The following PTBP3 variants were observed in gnomAD, a reference collection of about 807,000 sequenced individuals.
PTBP3 encodes the protein polypyrimidine tract binding protein 3.
Under a neutral mutation model 58.7 loss-of-function variants are expected in PTBP3, and 20 were observed. That is an observed-to-expected ratio of 0.34 (90% confidence interval 0.24 to 0.50). The LOEUF is 0.50. Ranked by LOEUF, PTBP3 falls within the 20% of genes least tolerant of loss-of-function variation. The pLI, the probability that PTBP3 is intolerant of heterozygous loss-of-function variation, is 0.98. For synonymous variants in PTBP3, 185 were observed against 219.8 expected (o/e 0.84, Z 1.40); for missense variants, 509 against 637.2 (o/e 0.80, Z 2.17).
intron 5 of PTBP3, among the ~76,000 whole-genome samples, chr9:112,259,679 C>T (rs1836511436): frequency 6.6e-6 from 1 of 152,180 alleles, no homozygotes; most frequent in Non-Finnish European, 1.5e-5. Flanking sequence ...GCTAAAGGAA[C>T]ATTAGTTTCT....
At chr9:112,286,653 TCTTA>T (rs1828132492) in intron 2 of PTBP3, among the ~76,000 whole-genome samples, 1 of 152,234 alleles carries the variant, frequency 6.6e-6, no homozygotes, top group South Asian at 2.1e-4. Flanking sequence ...AAATGTATTA[TCTTA>T]CTTTAAGCAG....
intron 7 of PTBP3, among the ~76,000 whole-genome samples, chr9:112,244,288 T>TAAAAAAAAAAAAAA (rs1439248076): frequency 5.1e-4 from 3 of 5,848 alleles, no homozygotes; most frequent in Non-Finnish European, 5.7e-4. Context: ...AGACTCTGTC[T>TAAAAAAAAAAAAAA]CAAAAAAAAA....
chr9:112,225,297 A>C (rs535606182), intron 12 of PTBP3, among the ~76,000 whole-genome samples: 2 of 149,290 alleles, frequency 1.3e-5, no homozygotes, highest in South Asian at 4.3e-4. Context: ...TAAATTTTTT[A>C]ACCTAAGTCT....
chr9:112,228,359 A>G (rs1304857536), intron 11 of PTBP3, 21 bp downstream of exon 11: 5 of 1,532,154 alleles, frequency 3.3e-6, no homozygotes, highest in Non-Finnish European at 4.4e-6. Flanking sequence ...ATTATTATTA[A>G]TAATTATTAA....
intron 12 of PTBP3, among the ~76,000 whole-genome samples, chr9:112,224,852 T>C (rs914871523): frequency 2.0e-5 from 3 of 152,340 alleles, no homozygotes; most frequent in South Asian, 2.1e-4. Flanking sequence ...GAAGACACTA[T>C]GGAGAAGTCC....
intron 7 of PTBP3, among the ~76,000 whole-genome samples, chr9:112,241,972 C>T (rs1835678237): frequency 6.6e-6 from 1 of 152,084 alleles, no homozygotes; most frequent in Non-Finnish European, 1.5e-5. Context: ...TACTTTATTC[C>T]TTTTTATTGC....
At chr9:112,361,920 T>TA in the PTBP3 span, among the ~76,000 whole-genome samples, 2 of 152,218 alleles carry the variant, frequency 1.3e-5, no homozygotes, top group African/African-American at 2.4e-5. Context: ...TCCTTTTTTT[T>TA]ATTATAGTCA....
chr9:112,305,027 A>T (rs1829115659), intron 1 of PTBP3, among the ~76,000 whole-genome samples: 1 of 152,214 alleles, frequency 6.6e-6, no homozygotes, highest in Non-Finnish European at 1.5e-5. Flanking sequence ...TTCCTATAGC[A>T]AAATGTAGGG....
chr9:112,220,946 T>C lies in PTBP3; in HGVS notation c.*2905A>G, dbSNP rs922200138. The stretch of plus-strand genomic sequence containing the variant: ...CCATTGCTAGAAGATACTGAATAAA[T>C]GCATGCCAAAACAGAGATACACAGA... On this transcript the variant is annotated 3_prime_UTR_variant, in exon 14 of 14. Transcript: ENST00000374257. 5.2e-6 allele frequency: 5 copies of C among 964,094 alleles called. No homozygotes were observed. In the African/African-American group the frequency reaches 8.8e-5, roughly 17 times the overall value. 59.7% of individuals were successfully genotyped at this position (964,094 alleles called of 1,614,324 possible).
At chr9:112,333,772 C>A, upstream of PTBP3, 1 of 283,568 alleles carries the variant, frequency 3.5e-6, no homozygotes, top group Admixed American at 5.3e-5. Context: ...CACCCTCGCC[C>A]CGCTGGCAGC....
At chr9:112,308,274 G>GT (rs1311378551) in intron 1 of PTBP3, among the ~76,000 whole-genome samples, 2 of 150,384 alleles carry the variant, frequency 1.3e-5, no homozygotes, top group African/African-American at 4.9e-5. Context: ...TGATCCTCTG[G>GT]CCTAGGATTC....
intron 1 of PTBP3, among the ~76,000 whole-genome samples, chr9:112,320,223 A>G (rs1829860856): frequency 6.8e-6 from 1 of 147,812 alleles, no homozygotes; most frequent in African/African-American, 2.5e-5. Flanking sequence ...GGCTGCAGTG[A>G]GCTATGATTG....
upstream of PTBP3, among the ~76,000 whole-genome samples, chr9:112,335,144 GAAAATTCAAGCACTAT>G (rs1161844016): frequency 6.6e-6 from 1 of 151,954 alleles, no homozygotes; most frequent in Non-Finnish European, 1.5e-5. Flanking sequence ...GCTCATTTTG[GAAAATTCAAGCACTAT>G]AAAATATTGA....
At chr9:112,274,298 T>C (rs763931059) in intron 3 of PTBP3, among the ~76,000 whole-genome samples, 2 of 152,214 alleles carry the variant, frequency 1.3e-5, no homozygotes, top group Non-Finnish European at 2.9e-5. Flanking sequence ...TACTAATCTA[T>C]TTATTTATAA....
intron 1 of PTBP3, among the ~76,000 whole-genome samples, chr9:112,306,021 G>C (rs1587865838): frequency 6.6e-6 from 1 of 152,226 alleles, no homozygotes; most frequent in East Asian, 1.9e-4. Context: ...TTGAACCTGT[G>C]GGTAGCTTCG....
In PTBP3 at chr9:112,221,227, A is replaced by G; in HGVS notation, c.*2624T>C. On this transcript the variant is annotated 3_prime_UTR_variant, in exon 14 of 14. Transcript: ENST00000374257. Reference sequence around the variant, plus strand: ...ATGTATGTAATGTGCATATGTATATACAACTTTAGAAGAGTGTATTTATGT... The same window carrying G: ...ATGTATGTAATGTGCATATGTATATGCAACTTTAGAAGAGTGTATTTATGT... 1.0e-6 allele frequency: 1 copy of G among 985,244 alleles called. No homozygotes were observed. The highest frequency in any genetic ancestry group is 1.2e-6 in the Non-Finnish European group (1 of 829,382). The allele number at this position is 985,244 out of a possible 1,614,324, so 61.0% of individuals were successfully genotyped here. A position where few individuals can be genotyped will look rare whatever the true frequency, so the allele number is the denominator to read the frequency against.
intron 5 of PTBP3, among the ~76,000 whole-genome samples, chr9:112,257,090 A>G (rs1836399180): frequency 6.6e-6 from 1 of 152,168 alleles, no homozygotes; most frequent in African/African-American, 2.4e-5. Context: ...TTTAACTTCA[A>G]CAATGGCCTA....
At chr9:112,338,956 C>G in the PTBP3 span, among the ~76,000 whole-genome samples, 1 of 152,206 alleles carries the variant, frequency 6.6e-6, no homozygotes, top group Non-Finnish European at 1.5e-5. Context: ...TTGCATTGGG[C>G]TTTCTGGAGC....
the PTBP3 span, among the ~76,000 whole-genome samples, chr9:112,367,788 C>T: frequency 6.6e-6 from 1 of 151,766 alleles, no homozygotes; most frequent in Non-Finnish European, 1.5e-5. Context: ...TATATTTAAT[C>T]TATTTGGGAT....
Sources: allele counts gnomAD v4.1 joint callset (sites outside exome capture counted in the v4.1 genomes callset), GRCh38; gene constraint gnomAD v4.1.1; transcripts MANE v1.5; gene names NCBI Gene and HGNC (gene_info 2026-07-23, HGNC 2026-07-21).